The following WWOX variants were observed in gnomAD, a reference collection of about 807,000 sequenced individuals.
WWOX encodes the protein WW domain-containing oxidoreductase.
Under a neutral mutation model 46.2 loss-of-function variants are expected in WWOX, and 69 were observed. The observed-to-expected ratio is 1.49, with a 90% confidence interval of 1.23 to 1.82. The LOEUF is 1.82. Among genes scored for constraint, WWOX ranks in the 40% most tolerant of loss-of-function variants. WWOX has a pLI of 0.00. For synonymous variants in WWOX, 359 were observed against 202.6 expected (o/e 1.77, Z -6.56); for missense variants, 919 against 542.6 (o/e 1.69, Z -6.89).
At chr16:78,862,184 G>A (rs1597074593) in intron 8 of WWOX, among the ~76,000 whole-genome samples, 1 of 151,674 alleles carries the variant, frequency 6.6e-6, no homozygotes, top group African/African-American at 2.4e-5. Context: ...ACACCGATGG[G>A]TGTGTCTGTC....
intron 8 of WWOX, among the ~76,000 whole-genome samples, chr16:78,476,414 G>A (rs1396492871): frequency 6.6e-6 from 1 of 152,094 alleles, no homozygotes; most frequent in African/African-American, 2.4e-5. Flanking sequence ...AATGAGAACA[G>A]TTGGACACAG....
At chr16:78,390,596 G>C (rs531832838) in intron 6 of WWOX, among the ~76,000 whole-genome samples, 60 of 152,310 alleles carry the variant, frequency 3.9e-4, no homozygotes, top group Non-Finnish European at 3.8e-4. Flanking sequence ...AAAAGCGAGA[G>C]ATTTTACTTT....
chr16:78,944,041 A>G (rs137997994), intron 8 of WWOX, among the ~76,000 whole-genome samples: 13 of 152,130 alleles, frequency 8.5e-5, no homozygotes, highest in Non-Finnish European at 1.8e-4. Context: ...ATAAACAAAA[A>G]CACAAAATCA....
At chr16:78,482,697 A>C (rs977979144) in intron 8 of WWOX, among the ~76,000 whole-genome samples, 2 of 152,190 alleles carry the variant, frequency 1.3e-5, no homozygotes, top group South Asian at 2.1e-4. Context: ...GAAGTAATCA[A>C]CTGGGTGTTA....
chr16:79,015,567 C>T (rs540282117), intron 8 of WWOX, among the ~76,000 whole-genome samples: 1 of 152,158 alleles, frequency 6.6e-6, no homozygotes, highest in South Asian at 2.1e-4. Context: ...AGTCCTGGTT[C>T]AACTCATGAG....
chr16:78,201,337 T>G (rs1176601123), intron 5 of WWOX, among the ~76,000 whole-genome samples: 1 of 152,130 alleles, frequency 6.6e-6, no homozygotes, highest in African/African-American at 2.4e-5. Context: ...TTATTAAGCT[T>G]ATGAGAATAT....
At chr16:78,509,403 C>T (rs1331904328) in intron 8 of WWOX, among the ~76,000 whole-genome samples, 5 of 150,588 alleles carry the variant, frequency 3.3e-5, no homozygotes, top group Middle Eastern at 3.4e-3. Flanking sequence ...TGCACCACTG[C>T]ATTCCAGCAT....
intron 4 of WWOX, among the ~76,000 whole-genome samples, chr16:78,159,426 C>T (rs1046765394): frequency 2.0e-5 from 3 of 152,072 alleles, no homozygotes; most frequent in Non-Finnish European, 4.4e-5. Flanking sequence ...ATTTACATTC[C>T]ACTAAGGAAT....
intron 8 of WWOX, among the ~76,000 whole-genome samples, chr16:78,796,207 G>C (rs2050733346): frequency 6.6e-6 from 1 of 152,182 alleles, no homozygotes. Flanking sequence ...TTGATTGCTT[G>C]CTGAAGTAAC....
intron 8 of WWOX, among the ~76,000 whole-genome samples, chr16:78,802,378 G>C (rs368638494): frequency 2.0e-5 from 3 of 151,976 alleles, no homozygotes; most frequent in African/African-American, 4.8e-5. Context: ...GAATGGAATT[G>C]AACAGGTAGG....
chr16:78,725,754 C>G (rs1330404860), intron 8 of WWOX, among the ~76,000 whole-genome samples: 6 of 152,024 alleles, frequency 3.9e-5, no homozygotes, highest in Admixed American at 3.3e-4. Flanking sequence ...CAGCCACGTT[C>G]TTTCTGAAGG....
intron 4 of WWOX, among the ~76,000 whole-genome samples, chr16:78,134,109 T>G (rs1281497601): frequency 6.6e-6 from 1 of 152,210 alleles, no homozygotes; most frequent in East Asian, 1.9e-4. Flanking sequence ...TTGTGACGAA[T>G]AAGAAATGGC....
intron 8 of WWOX, among the ~76,000 whole-genome samples, chr16:78,691,794 A>G (rs546362966): frequency 1.3e-5 from 2 of 152,318 alleles, no homozygotes; most frequent in African/African-American, 2.4e-5. Context: ...CCCAGTTTAT[A>G]GGTGAGTGAT....
At position 79,146,870 on chromosome 16, in the gene WWOX, G is replaced by A. The variant is rs528452069; in HGVS notation, c.1057-64738G>A. ...GTTTAAGGAGGTTGGAGGCACCTTC[G>A]CTTGTACTTCTACATGTGTCCCTTC... On this transcript the variant is annotated intron_variant, in intron 8 of 8. Transcript: ENST00000566780. Among the ~76,000 whole-genome samples, 24 of 152,224 alleles carry A rather than the reference G, an allele frequency of 1.6e-4. 1 individual carries two copies. Among genetic ancestry groups the A allele is most frequent in the African/African-American group, 4.8e-4 (20 of 41,552 alleles).
chr16:78,327,261 T>G (rs1342007559), intron 5 of WWOX, among the ~76,000 whole-genome samples: 1 of 152,174 alleles, frequency 6.6e-6, no homozygotes, highest in Non-Finnish European at 1.5e-5. Flanking sequence ...AATCACTCTG[T>G]CATCATATGA....
chr16:79,179,018 A>C (rs553342546), intron 8 of WWOX, among the ~76,000 whole-genome samples: 93 of 152,304 alleles, frequency 6.1e-4, no homozygotes, highest in Non-Finnish European at 1.2e-3. Context: ...GAATCAGTCT[A>C]CTGTGCTAAA....
intron 8 of WWOX, among the ~76,000 whole-genome samples, chr16:79,061,444 C>T (rs2048355867): frequency 6.6e-6 from 1 of 152,200 alleles, no homozygotes; most frequent in Non-Finnish European, 1.5e-5. Context: ...AGTAGCAAAG[C>T]ACTTGGCACT....
chr16:78,833,361 T>G (rs1484214588), intron 8 of WWOX, among the ~76,000 whole-genome samples: 1 of 152,106 alleles, frequency 6.6e-6, no homozygotes, highest in Non-Finnish European at 1.5e-5. Context: ...TTGCACTCTT[T>G]CCTGCATACA....
At chr16:79,206,137 A>G (rs1236718106) in intron 8 of WWOX, 1 of 152,128 alleles carries the variant, frequency 6.6e-6, no homozygotes, top group Non-Finnish European at 1.5e-5. Context: ...GGAAAAAAAA[A>G]TCTCCTTTTA....
Sources: gnomAD v4.1 joint callset for allele counts (sites outside exome capture counted in the v4.1 genomes callset) on GRCh38, gnomAD v4.1.1 for gene constraint, MANE v1.5 for transcripts, NCBI Gene and HGNC (gene_info 2026-07-23, HGNC 2026-07-21) for gene names.